The following GPHN variants were observed in gnomAD, a reference collection of about 807,000 sequenced individuals.
GPHN encodes gephyrin.
In GPHN, 17 loss-of-function variants were observed where a neutral mutation model predicts 95.5. That is an observed-to-expected ratio of 0.18 (90% CI 0.12 to 0.27). The LOEUF is 0.27. Ranked by LOEUF, GPHN falls within the 10% of genes least tolerant of loss-of-function variation. GPHN has a pLI of 1.00. For missense variants in GPHN, 660 were observed against 978.1 expected (o/e 0.67, Z 4.34); for synonymous variants, 320 against 322.5 (o/e 0.99, Z 0.08).
the GPHN span, chr14:67,619,967 T>G: frequency 5.7e-6 from 9 of 1,566,756 alleles, no homozygotes; most frequent in Non-Finnish European, 7.8e-6. Flanking sequence ...AGATTCTCAG[T>G]GCTGCGGATC....
chr14:67,210,066 T>G, the GPHN span, among the ~76,000 whole-genome samples: 2 of 152,182 alleles, frequency 1.3e-5, no homozygotes, highest in African/African-American at 4.8e-5. Context: ...TGTAAATGGT[T>G]GTCAATTCAA....
At chr14:67,553,993 G>A in the GPHN span, among the ~76,000 whole-genome samples, 1 of 152,276 alleles carries the variant, frequency 6.6e-6, no homozygotes, top group African/African-American at 2.4e-5. Context: ...GGAGCACCAG[G>A]GCATTTTTGT....
the GPHN span, chr14:67,649,293 A>C: frequency 6.6e-6 from 1 of 152,172 alleles, no homozygotes; most frequent in Admixed American, 6.6e-5. Context: ...AGGCCAAGGC[A>C]AGAGGATTAC....
At chr14:67,106,236 C>T (rs1181530399) in intron 13 of GPHN, among the ~76,000 whole-genome samples, 1 of 152,066 alleles carries the variant, frequency 6.6e-6, no homozygotes, top group Non-Finnish European at 1.5e-5. Context: ...TCTTCCTGTC[C>T]TGTAAGGTTT....
the GPHN span, chr14:67,570,688 C>T: frequency 1.3e-5 from 2 of 152,194 alleles, no homozygotes; most frequent in Admixed American, 1.3e-4. Flanking sequence ...CCCCTAACCA[C>T]GTGAATAACC....
At chr14:67,197,395 C>A in the GPHN span, 1 of 152,154 alleles carries the variant, frequency 6.6e-6, no homozygotes, top group African/African-American at 2.4e-5. Context: ...ACCATGTGGG[C>A]TGCATGGCCA....
chr14:66,720,033 C>T (rs906175662), intron 2 of GPHN, among the ~76,000 whole-genome samples: 4 of 151,992 alleles, frequency 2.6e-5, no homozygotes, highest in Non-Finnish European at 5.9e-5. Context: ...TTAATTTATA[C>T]ATTATTTCCA....
intron 10 of GPHN, among the ~76,000 whole-genome samples, chr14:67,027,752 TATATA>T (rs1448725214): frequency 6.6e-6 from 1 of 152,162 alleles, no homozygotes; most frequent in African/African-American, 2.4e-5. Flanking sequence ...TTTTTATTGA[TATATA>T]ATATTTGTAC....
chr14:67,571,944 G>T, the GPHN span: 1 of 1,566,462 alleles, frequency 6.4e-7, no homozygotes, highest in Non-Finnish European at 8.7e-7. Flanking sequence ...GCAGCAAGGA[G>T]CCCCTCACCT....
the GPHN span, among the ~76,000 whole-genome samples, chr14:67,480,226 C>T: frequency 6.6e-6 from 1 of 152,172 alleles, no homozygotes; most frequent in Middle Eastern, 3.2e-3. Context: ...CACTGTGCCC[C>T]TGCTCTCGGC....
At chr14:67,223,867 C>T in the GPHN span, 1 of 985,728 alleles carries the variant, frequency 1.0e-6, no homozygotes, top group Non-Finnish European at 1.2e-6. Context: ...ACACCCTGTA[C>T]CCCAAGAAAA....
intron 4 of GPHN, among the ~76,000 whole-genome samples, chr14:66,853,494 C>T (rs1036234263): frequency 1.3e-5 from 2 of 152,128 alleles, no homozygotes; most frequent in African/African-American, 4.8e-5. Flanking sequence ...CTGGGGAGAC[C>T]TCACAATGAT....
At chr14:66,745,546 T>G (rs540499418) in intron 2 of GPHN, among the ~76,000 whole-genome samples, 2 of 152,186 alleles carry the variant, frequency 1.3e-5, no homozygotes, top group African/African-American at 4.8e-5. Flanking sequence ...TAAATGATAA[T>G]TTGATAGTGA....
chr14:66,765,555 A>G (rs1025510546), intron 2 of GPHN, among the ~76,000 whole-genome samples: 3 of 152,184 alleles, frequency 2.0e-5, no homozygotes, highest in African/African-American at 7.2e-5. Context: ...ATAAGTGGAA[A>G]ACATGGAGTA....
At position 66,971,011 on chromosome 14, in the gene GPHN, G is replaced by A. The variant is rs74932746; in HGVS notation, c.963+5686G>A. Among the ~76,000 whole-genome samples, 83 of 152,242 alleles carry A rather than the reference G, an allele frequency of 5.5e-4. 3 individuals carry two copies. The highest frequency in any genetic ancestry group is 1.9e-3 in the African/African-American group (81 of 41,562). On this transcript the variant is annotated intron_variant, in intron 9 of 22. Transcript: ENST00000478722. The stretch of plus-strand genomic sequence containing the variant: ...AGGACCCCAAATTACTTCTGTTTAT[G>A]TGGGTTATATCTAACAATATTTGTT...
intron 1 of GPHN, among the ~76,000 whole-genome samples, chr14:66,613,532 C>G (rs1203900814): frequency 6.6e-6 from 1 of 152,112 alleles, no homozygotes; most frequent in Non-Finnish European, 1.5e-5. Flanking sequence ...GAGAATGTAC[C>G]TGTCTGCTGA....
intron 8 of GPHN, among the ~76,000 whole-genome samples, chr14:66,932,888 T>C (rs2066901756): frequency 6.6e-6 from 1 of 152,166 alleles, no homozygotes; most frequent in Non-Finnish European, 1.5e-5. Flanking sequence ...CTCCCAAGGA[T>C]TGTACACAAC....
chr14:67,111,913 A>T lies in GPHN; in HGVS notation c.1466A>T (p.Asp489Val), dbSNP rs757030425. 6.2e-7 allele frequency: 1 copy of T among 1,611,304 alleles called. No individual in the cohort carries two copies. Among genetic ancestry groups the T allele is most frequent in the Non-Finnish European group, 8.5e-7 (1 of 1,177,578 alleles). Residue 489 changes from aspartate to valine, a missense_variant, in exon 15 of 23, where the codon GAT becomes GTT. Around this residue, in one of 6 missense-constraint regions of GPHN, gnomAD observed 257 missense variants for 376.2 expected, o/e 0.68. Coordinates refer to ENST00000478722, the MANE Select transcript of GPHN (RefSeq NM_020806.5). Reference protein sequence around the residue: ...RILVQARPGQDIRPIGHDIKR... With the variant: ...RILVQARPGQVIRPIGHDIKR... ...CTGGTGCAAGCTCGGCCAGGCCAAG[A>T]TATCAGGTAACTTCAAAACACATAG...
chr14:67,642,209 GA>G, the GPHN span: 1 of 1,614,036 alleles, frequency 6.2e-7, no homozygotes, highest in Admixed American at 1.7e-5. Context: ...AGACTTTGGA[GA>G]TTTGAGTTTT....
Sources: gnomAD v4.1 joint callset for allele counts (sites outside exome capture counted in the v4.1 genomes callset) on GRCh38, gnomAD v4.1.1 for gene constraint, gnomAD v4.1.1 regional missense constraint, MANE v1.5 for transcripts, NCBI Gene and HGNC (gene_info 2026-07-23, HGNC 2026-07-21) for gene names.